Variants in RARB observed in about 807,000 individuals in gnomAD.
RARB encodes the protein retinoic acid receptor beta, also known as HBV-activated protein.
A neutral mutation model predicts 51.9 loss-of-function variants in RARB; 17 were observed. The ratio of observed to expected loss-of-function variants is 0.33; its 90% CI spans 0.22 to 0.49. RARB has a LOEUF of 0.49. Among genes scored for constraint, RARB ranks in the 20% least tolerant of loss-of-function variants. The probability of loss-of-function intolerance (pLI) is 0.99; values close to 1 mark genes in which losing one functional copy is unlikely to be tolerated. For synonymous variants in RARB, 215 were observed against 195.4 expected, an observed-to-expected ratio of 1.10 and a Z score of -0.84; for missense variants, 369 against 550.8, an observed-to-expected ratio of 0.67 and a Z score of 3.30.
chr3:25,326,344 A>G (rs1243191415), intron 5 of RARB, among the ~76,000 whole-genome samples: 1 of 152,142 alleles, frequency 6.6e-6, no homozygotes, highest in African/African-American at 2.4e-5. Flanking sequence ...AGTTGGACAA[A>G]GGTTTATATT....
chr3:25,523,189 A>G (rs956086220), intron 3 of RARB, among the ~76,000 whole-genome samples: 5 of 152,148 alleles, frequency 3.3e-5, no homozygotes, highest in Non-Finnish European at 1.5e-5. Context: ...CTTTGCATAT[A>G]TGGAATTGAG....
At chr3:24,994,013 A>G (rs1039501627) in intron 2 of RARB, among the ~76,000 whole-genome samples, 12 of 152,304 alleles carry the variant, frequency 7.9e-5, no homozygotes, top group African/African-American at 2.9e-4. Flanking sequence ...TCCTTTGGAT[A>G]AATTCCCAGT....
chr3:25,513,979 G>C (rs1241197627), intron 3 of RARB, among the ~76,000 whole-genome samples: 1 of 152,190 alleles, frequency 6.6e-6, no homozygotes, highest in Non-Finnish European at 1.5e-5. Context: ...ACAATCCCCA[G>C]CAAAGAGAGT....
intron 5 of RARB, among the ~76,000 whole-genome samples, chr3:25,592,592 T>C (rs80060891): frequency 0.018 from 2,740 of 152,304 alleles, 36 homozygotes; most frequent in Middle Eastern, 0.044. Context: ...TTAGTTTGTT[T>C]TGCTCTGAGT....
intron 5 of RARB, among the ~76,000 whole-genome samples, chr3:25,228,609 C>A (rs1460654856): frequency 6.6e-6 from 1 of 151,662 alleles, no homozygotes; most frequent in African/African-American, 2.4e-5. Flanking sequence ...TTTTTATTTC[C>A]CATTCCCTGA....
chr3:25,001,545 T>C (rs1411108396), intron 2 of RARB, among the ~76,000 whole-genome samples: 1 of 152,116 alleles, frequency 6.6e-6, no homozygotes, highest in Non-Finnish European at 1.5e-5. Flanking sequence ...GCCACCACAG[T>C]GATTGACTGT....
At chr3:24,875,991 T>C (rs1703036190) in intron 2 of RARB, among the ~76,000 whole-genome samples, 1 of 152,152 alleles carries the variant, frequency 6.6e-6, no homozygotes, top group Non-Finnish European at 1.5e-5. Context: ...CTAGTTACTT[T>C]TTAGACTGTC....
chr3:25,592,155 G>A (rs1385953512), intron 5 of RARB, among the ~76,000 whole-genome samples: 1 of 152,188 alleles, frequency 6.6e-6, no homozygotes, highest in African/African-American at 2.4e-5. Context: ...CTAGGTAGAG[G>A]TCCTGTGTCT....
Position 25,486,409 on chromosome 3 carries a change from T to C in RARB, c.307-14773T>C, listed in dbSNP as rs112857274. The stretch of plus-strand genomic sequence containing the variant: ...AGCTTAGAGCCCTTTGGACTTCTAC[T>C]TGGGTAGAGGTAGAAGTCACTTAAG... On this transcript the variant is annotated intron_variant, in intron 2 of 7. Coordinates refer to ENST00000330688, the MANE Select transcript of RARB (RefSeq NM_000965.5). Among the ~76,000 whole-genome samples, 92 of 152,266 alleles carry C rather than the reference T, an allele frequency of 6.0e-4. 1 individual carries two copies. The highest frequency in any genetic ancestry group is 3.4e-3 in the Middle Eastern group (1 of 294).
At chr3:24,980,228 G>A (rs1696613607) in intron 2 of RARB, among the ~76,000 whole-genome samples, 1 of 152,132 alleles carries the variant, frequency 6.6e-6, no homozygotes, top group South Asian at 2.1e-4. Context: ...CAACCTTGGT[G>A]AATCTGACAA....
At chr3:25,513,723 A>C (rs1269447884) in intron 3 of RARB, among the ~76,000 whole-genome samples, 1 of 147,906 alleles carries the variant, frequency 6.8e-6, no homozygotes, top group Non-Finnish European at 1.5e-5. Context: ...GTGCACTATT[A>C]TTTTGTATAC....
chr3:25,596,741 C>A lies in RARB; in HGVS notation c.*125C>A, dbSNP rs1453178078. ...AAAGATATTAAAACTCAAGAAGGAC[C>A]AAGAAGTTTTCATATGTATCAATAT... On this transcript the variant is annotated 3_prime_UTR_variant, in exon 8 of 8. Transcript: ENST00000330688. 1 of 865,056 alleles carries A rather than the reference C, an allele frequency of 1.2e-6. No homozygotes were observed. The allele number at this position is 865,056 out of a possible 1,614,324, so 53.6% of individuals were successfully genotyped here.
chr3:25,471,610 T>TA lies in RARB; in HGVS notation c.306+10269_306+10270insA, dbSNP rs1553619796. On this transcript the variant is annotated intron_variant, in intron 2 of 7. Coordinates refer to ENST00000330688, the MANE Select transcript of RARB (RefSeq NM_000965.5). ...CGCAACTCTGCGTGTTTTTTTTTTT[T>TA]CCTTGAGTTGGCGTGGTAAAAATAG... Among the ~76,000 whole-genome samples, 8 of 151,336 alleles carry TA rather than the reference T, an allele frequency of 5.3e-5. No individual in the cohort carries two copies. The East Asian group carries it at 1.2e-3, about 22-fold the overall frequency.
chr3:25,413,506 A>G (rs1707622230), intron 5 of RARB, among the ~76,000 whole-genome samples: 1 of 152,214 alleles, frequency 6.6e-6, no homozygotes, highest in Non-Finnish European at 1.5e-5. Flanking sequence ...AAATGGAATT[A>G]TCAGCTATGA....
chr3:25,076,242 G>T (rs142233832), intron 3 of RARB, among the ~76,000 whole-genome samples: 1 of 151,650 alleles, frequency 6.6e-6, no homozygotes, highest in Non-Finnish European at 1.5e-5. Context: ...CCGGGTTCAC[G>T]CCATTCTCTT....
chr3:24,934,361 G>T (rs1188236664), intron 2 of RARB, among the ~76,000 whole-genome samples: 3 of 152,058 alleles, frequency 2.0e-5, no homozygotes, highest in African/African-American at 7.2e-5. Flanking sequence ...ATTCTGGCAG[G>T]TTTTTCTGGT....
chr3:25,584,915 C>T (rs939334841), intron 5 of RARB, among the ~76,000 whole-genome samples: 3 of 152,094 alleles, frequency 2.0e-5, no homozygotes, highest in African/African-American at 7.2e-5. Context: ...CTGGCCTGCC[C>T]CTACTTTTGC....
chr3:25,164,156 G>T (rs930621559), intron 4 of RARB, among the ~76,000 whole-genome samples: 2 of 152,208 alleles, frequency 1.3e-5, no homozygotes, highest in Non-Finnish European at 2.9e-5. Flanking sequence ...TAGCTGGAAA[G>T]AACTAGTTAT....
intron 2 of RARB, among the ~76,000 whole-genome samples, chr3:24,965,933 A>G (rs989640443): frequency 1.3e-5 from 2 of 152,202 alleles, no homozygotes; most frequent in African/African-American, 4.8e-5. Context: ...GTAACGTGGT[A>G]TTAGTGTTAC....
Sources: allele counts gnomAD v4.1 joint callset (sites outside exome capture counted in the v4.1 genomes callset), GRCh38; gene constraint gnomAD v4.1.1; transcripts MANE v1.5; gene names NCBI Gene and HGNC (gene_info 2026-07-23, HGNC 2026-07-21).